Variants in IQSEC1 observed in about 807,000 individuals in gnomAD.
IQSEC1 encodes the protein IQ motif and SEC7 domain-containing protein 1.
IQSEC1 carries 31 observed loss-of-function variants against 91.0 expected under a neutral mutation model. That is an observed-to-expected ratio of 0.34 (90% confidence interval 0.26 to 0.46). The LOEUF is 0.46. IQSEC1 is among the 20% of genes least tolerant of loss of function. IQSEC1 has a pLI of 1.00. For missense variants in IQSEC1, 1,388 were observed against 1,575.6 expected, an observed-to-expected ratio of 0.88 and a Z score of 2.02; for synonymous variants, 699 against 662.6, an observed-to-expected ratio of 1.05 and a Z score of -0.84.
At chr3:13,076,040 G>T (rs1010126066), upstream of IQSEC1, among the ~76,000 whole-genome samples, 1 of 152,230 alleles carries the variant, frequency 6.6e-6, no homozygotes, top group African/African-American at 2.4e-5. Flanking sequence ...AGAGGGTCCT[G>T]ATCACATAAG....
Position 12,900,676 on chromosome 3 carries a change from G to C in IQSEC1, c.*307C>G. On this transcript the variant is annotated 3_prime_UTR_variant, in exon 14 of 14. Transcript: ENST00000613206. ...TTAGGGCACAGGGAGCTGAGAGCTG[G>C]AGTGGGGGAGGCAGTTCAACACTAC... The C allele has an allele frequency of 7.6e-7, 1 of 1,310,204 alleles. No individual in the cohort carries two copies. 81.2% of individuals were successfully genotyped at this position (1,310,204 alleles called of 1,614,324 possible).
chr3:13,137,563 G>T lies in IQSEC1; in HGVS notation c.302+26541C>A, dbSNP rs554239805. ...GATTCCAGGTTATGGTGATCTCTGG[G>T]GTAGAAGAAGTCGCAAACACACGGG... On this transcript the variant is annotated intron_variant, in intron 2 of 15. Transcript: ENST00000648114. 7.2e-5 allele frequency among the ~76,000 whole-genome samples: 11 copies of T among 152,340 alleles called. No individual in the cohort carries two copies. In the South Asian group the frequency reaches 1.9e-3, roughly 26 times the overall value.
upstream of IQSEC1, among the ~76,000 whole-genome samples, chr3:13,075,119 C>T (rs1413233416): frequency 2.0e-5 from 3 of 152,184 alleles, no homozygotes; most frequent in South Asian, 6.2e-4. Flanking sequence ...GTGAGGAATT[C>T]ATATTTCTGT....
At chr3:13,116,290 G>A (rs1706334607) in intron 2 of IQSEC1, among the ~76,000 whole-genome samples, 2 of 152,182 alleles carry the variant, frequency 1.3e-5, no homozygotes, top group Admixed American at 1.3e-4. Context: ...GGTGTTTCTG[G>A]CTTTGCGATC....
upstream of IQSEC1, among the ~76,000 whole-genome samples, chr3:13,073,446 C>T (rs1705501971): frequency 6.6e-6 from 1 of 152,118 alleles, no homozygotes; most frequent in Non-Finnish European, 1.5e-5. Context: ...GGGGCGGGCG[C>T]GCCGGAGCCT....
chr3:12,971,760 T>C (rs563484573), intron 1 of IQSEC1, among the ~76,000 whole-genome samples: 1 of 152,136 alleles, frequency 6.6e-6, no homozygotes, highest in East Asian at 1.9e-4. Flanking sequence ...CAAGTGTTTG[T>C]TACTTTTTAA....
At chr3:13,138,364 C>G (rs969181974) in intron 2 of IQSEC1, among the ~76,000 whole-genome samples, 1 of 151,964 alleles carries the variant, frequency 6.6e-6, no homozygotes, top group African/African-American at 2.4e-5. Context: ...CGGTGCCTCC[C>G]GAGAGGAGCG....
chr3:13,080,055 G>C (rs1049147304), intron 2 of IQSEC1, among the ~76,000 whole-genome samples: 1 of 152,234 alleles, frequency 6.6e-6, no homozygotes, highest in Non-Finnish European at 1.5e-5. Context: ...CATGTGCAGA[G>C]GCTTGGAGGT....
chr3:13,019,484 G>A (rs774511746), intron 1 of IQSEC1, among the ~76,000 whole-genome samples: 4 of 152,350 alleles, frequency 2.6e-5, no homozygotes, highest in East Asian at 3.9e-4. Context: ...CGGCAGCTCC[G>A]CCTTGGGCCA....
intron 1 of IQSEC1, among the ~76,000 whole-genome samples, chr3:13,030,630 C>T (rs776593795): frequency 5.9e-5 from 9 of 152,328 alleles, no homozygotes; most frequent in Non-Finnish European, 1.3e-4. Flanking sequence ...GGCCCTGTTC[C>T]TTCAATGAGT....
intron 1 of IQSEC1, among the ~76,000 whole-genome samples, chr3:13,174,841 C>CT (rs1275116020): frequency 6.6e-6 from 1 of 151,472 alleles, no homozygotes; most frequent in Non-Finnish European, 1.5e-5. Context: ...GCTCCCCCCC[C>CT]CCACCTCCTC....
chr3:12,912,670 CAAAAA>C (rs561314162), intron 9 of IQSEC1, among the ~76,000 whole-genome samples: 3 of 54,026 alleles, frequency 5.6e-5, no homozygotes, highest in South Asian at 1.3e-3. Flanking sequence ...GACTCCGTCT[CAAAAA>C]AAAAAAAAAA....
At chr3:13,143,541 C>A (rs903993027) in intron 2 of IQSEC1, among the ~76,000 whole-genome samples, 2 of 152,210 alleles carry the variant, frequency 1.3e-5, no homozygotes, top group African/African-American at 4.8e-5. Flanking sequence ...GCTCCAAATG[C>A]CCCTGGAGAC....
At chr3:13,006,641 C>A (rs1702647282) in intron 1 of IQSEC1, among the ~76,000 whole-genome samples, 1 of 152,248 alleles carries the variant, frequency 6.6e-6, no homozygotes, top group South Asian at 2.1e-4. Context: ...TGTTACACAG[C>A]AAAATCTAAC....
intron 1 of IQSEC1, among the ~76,000 whole-genome samples, chr3:12,999,019 A>G: frequency 6.6e-6 from 1 of 152,118 alleles, no homozygotes; most frequent in South Asian, 2.1e-4. Context: ...TCATTTAAGT[A>G]TTTTTTGCAT....
At chr3:12,926,309 CAAAAAA>C (rs33950115) in intron 3 of IQSEC1, among the ~76,000 whole-genome samples, 2 of 143,574 alleles carry the variant, frequency 1.4e-5, no homozygotes, top group Non-Finnish European at 3.0e-5. Flanking sequence ...GACTCCATGT[CAAAAAA>C]AAAAAAAACA....
chr3:12,959,403 C>T (rs568387822), intron 1 of IQSEC1, among the ~76,000 whole-genome samples: 4 of 152,300 alleles, frequency 2.6e-5, no homozygotes, highest in African/African-American at 7.2e-5. Context: ...CAGCCCATTC[C>T]ACACCCCGCC....
intron 1 of IQSEC1, among the ~76,000 whole-genome samples, chr3:13,172,692 C>A (rs116503994): frequency 6.6e-6 from 1 of 152,212 alleles, no homozygotes; most frequent in African/African-American, 2.4e-5. Flanking sequence ...TTGCCATTGT[C>A]CCCTGGGTGC....
chr3:13,148,604 C>T (rs1241661858), intron 2 of IQSEC1, among the ~76,000 whole-genome samples: 1 of 152,222 alleles, frequency 6.6e-6, no homozygotes, highest in Non-Finnish European at 1.5e-5. Flanking sequence ...GGTGACATTC[C>T]CTCAAGCACC....
Sources: gnomAD v4.1 joint callset for allele counts (sites outside exome capture counted in the v4.1 genomes callset) on GRCh38, gnomAD v4.1.1 for gene constraint, MANE v1.5 for transcripts, NCBI Gene and HGNC (gene_info 2026-07-23, HGNC 2026-07-21) for gene names.